Variants in PCED1B observed in about 807,000 individuals in gnomAD.
PCED1B encodes PC-esterase domain-containing protein 1B.
For synonymous variants in PCED1B, 251 were observed against 246.1 expected (o/e 1.02, Z -0.19); for missense variants, 573 against 573.9 (o/e 1.00, Z 0.02).
intron 2 of PCED1B, among the ~76,000 whole-genome samples, chr12:47,177,293 G>A (rs1167089825): frequency 6.6e-6 from 1 of 152,224 alleles, no homozygotes; most frequent in Non-Finnish European, 1.5e-5. Flanking sequence ...CTGAGGGAAA[G>A]TATGTTGTGT....
At chr12:47,101,386 C>G (rs537157910) in intron 1 of PCED1B, among the ~76,000 whole-genome samples, 43 of 152,076 alleles carry the variant, frequency 2.8e-4, no homozygotes, top group Non-Finnish European at 3.5e-4. Flanking sequence ...CTTGTTCGTT[C>G]GTTTCTTTTT....
At chr12:47,185,141 T>A (rs1942214119) in intron 2 of PCED1B, among the ~76,000 whole-genome samples, 1 of 152,210 alleles carries the variant, frequency 6.6e-6, no homozygotes, top group Non-Finnish European at 1.5e-5. Flanking sequence ...TTATATGGAT[T>A]GAACTGTGTC....
At chr12:47,128,655 A>G (rs971019908) in intron 2 of PCED1B, among the ~76,000 whole-genome samples, 1 of 152,238 alleles carries the variant, frequency 6.6e-6, no homozygotes, top group African/African-American at 2.4e-5. Flanking sequence ...TCAGCAGTAA[A>G]ATAAAAGAAC....
At chr12:47,151,076 C>T (rs894046609) in intron 2 of PCED1B, among the ~76,000 whole-genome samples, 1 of 150,996 alleles carries the variant, frequency 6.6e-6, no homozygotes, top group Non-Finnish European at 1.5e-5. Flanking sequence ...TTCTGAGTTC[C>T]CCAGAAAAGC....
At chr12:47,193,170 A>G (rs1386371041) in intron 2 of PCED1B, among the ~76,000 whole-genome samples, 1 of 152,202 alleles carries the variant, frequency 6.6e-6, no homozygotes, top group East Asian at 1.9e-4. Flanking sequence ...TTAACAATTA[A>G]TAGACTCTCA....
intron 3 of PCED1B, among the ~76,000 whole-genome samples, chr12:47,227,380 C>A (rs978103993): frequency 2.0e-5 from 3 of 151,880 alleles, no homozygotes; most frequent in Non-Finnish European, 4.4e-5. Context: ...AGCATGTTGG[C>A]CAGATTGGTC....
intron 2 of PCED1B, among the ~76,000 whole-genome samples, chr12:47,124,484 T>C (rs920884489): frequency 6.6e-6 from 1 of 150,486 alleles, no homozygotes; most frequent in Non-Finnish European, 1.5e-5. Context: ...TAAACATTCA[T>C]CTGTAAGTCT....
intron 2 of PCED1B, among the ~76,000 whole-genome samples, chr12:47,111,025 A>G (rs1372833122): frequency 6.6e-6 from 1 of 152,188 alleles, no homozygotes; most frequent in Non-Finnish European, 1.5e-5. Flanking sequence ...TTCTCCTCCC[A>G]CTGAATTCAA....
intron 2 of PCED1B, among the ~76,000 whole-genome samples, chr12:47,123,415 G>A (rs928600811): frequency 6.6e-6 from 1 of 151,950 alleles, no homozygotes; most frequent in Non-Finnish European, 1.5e-5. Flanking sequence ...TTCAAACAAA[G>A]GTGCTTAATT....
chr12:47,200,192 C>G (rs1012684702), intron 2 of PCED1B, among the ~76,000 whole-genome samples: 2 of 138,608 alleles, frequency 1.4e-5, no homozygotes, highest in Non-Finnish European at 3.3e-5. Flanking sequence ...CAGATCTTGC[C>G]TCAAAAAAAA....
intron 2 of PCED1B, among the ~76,000 whole-genome samples, chr12:47,172,396 G>T: frequency 8.7e-6 from 1 of 115,336 alleles, no homozygotes; most frequent in African/African-American, 3.0e-5. Flanking sequence ...TTGTTGTTTG[G>T]AAGCAGAGGC....
intron 2 of PCED1B, among the ~76,000 whole-genome samples, chr12:47,203,032 T>C (rs1277255062): frequency 6.6e-6 from 1 of 151,302 alleles, no homozygotes; most frequent in African/African-American, 2.4e-5. Flanking sequence ...TGAAGTGGCA[T>C]GATCTCAGCT....
chr12:47,230,271 A>G (rs1295019532), intron 3 of PCED1B, among the ~76,000 whole-genome samples: 1 of 150,642 alleles, frequency 6.6e-6, no homozygotes, highest in African/African-American at 2.4e-5. Context: ...CTTTTAGTAG[A>G]GACGGGGTTT....
At chr12:47,087,688 C>T (rs1224929631) in intron 1 of PCED1B, among the ~76,000 whole-genome samples, 2 of 152,118 alleles carry the variant, frequency 1.3e-5, no homozygotes, top group Admixed American at 1.3e-4. Flanking sequence ...TATTCCAATT[C>T]AGAATTTTAG....
chr12:47,110,743 A>C (rs931451324), intron 2 of PCED1B, among the ~76,000 whole-genome samples: 13 of 152,234 alleles, frequency 8.5e-5, no homozygotes, highest in Non-Finnish European at 1.5e-5. Context: ...TGCTTTGATC[A>C]TGCAAACATG....
chr12:47,151,691 C>T (rs1186882188), intron 2 of PCED1B, among the ~76,000 whole-genome samples: 2 of 152,120 alleles, frequency 1.3e-5, no homozygotes, highest in African/African-American at 4.8e-5. Flanking sequence ...AGTCTAAATT[C>T]GAATCTGAAG....
At chr12:47,173,952 G>A (rs1213067998) in intron 2 of PCED1B, among the ~76,000 whole-genome samples, 1 of 152,202 alleles carries the variant, frequency 6.6e-6, no homozygotes, top group Non-Finnish European at 1.5e-5. Flanking sequence ...ATGCAAAAGT[G>A]TCTAGCATGG....
At chr12:47,118,303 G>C (rs572423801) in intron 2 of PCED1B, among the ~76,000 whole-genome samples, 31 of 152,220 alleles carry the variant, frequency 2.0e-4, no homozygotes, top group African/African-American at 6.0e-4. Flanking sequence ...AGGTTTTCTT[G>C]TAGGGTTTTT....
rs756430611 is a variant in PCED1B at position 47,235,021 on chromosome 12, A to T, written c.-43A>T. 6.7e-7 allele frequency: 1 copy of T among 1,486,442 alleles called. No individual in the cohort carries two copies. Among genetic ancestry groups the T allele is most frequent in the Non-Finnish European group, 9.0e-7 (1 of 1,109,804 alleles). The allele number at this position is 1,486,442 out of a possible 1,614,324, so 92.1% of individuals were successfully genotyped here. Reference sequence around the variant, plus strand: ...TTCTGTCCTAGCCATCCGCAGAGCCATCCTGTGCAAAGGAAGGAGCTAGGC... The same window carrying T: ...TTCTGTCCTAGCCATCCGCAGAGCCTTCCTGTGCAAAGGAAGGAGCTAGGC... On this transcript the variant is annotated 5_prime_UTR_variant, in exon 4 of 4. Coordinates refer to ENST00000546455, the MANE Select transcript of PCED1B (RefSeq NM_138371.3).
Sources: allele counts gnomAD v4.1 joint callset (sites outside exome capture counted in the v4.1 genomes callset), GRCh38; gene constraint gnomAD v4.1.1; transcripts MANE v1.5; gene names NCBI Gene and HGNC (gene_info 2026-07-23, HGNC 2026-07-21).